The following SLC34A2 variants were observed in gnomAD, a reference collection of about 807,000 sequenced individuals.
The protein encoded by SLC34A2 is sodium-dependent phosphate transport protein 2B.
A neutral mutation model predicts 50.8 loss-of-function variants in SLC34A2; 41 were observed. The ratio of observed to expected loss-of-function variants is 0.81; its 90% CI spans 0.63 to 1.05. SLC34A2 has a LOEUF of 1.05. SLC34A2 is among the 50% of genes least tolerant of loss of function. The pLI is 0.00. For missense variants in SLC34A2, 879 were observed against 876.7 expected (o/e 1.00, Z -0.03); for synonymous variants, 401 against 364.2 (o/e 1.10, Z -1.15).
In SLC34A2 at chr4:25,671,724, G is replaced by T; in HGVS notation, c.1048+3G>T. On this transcript the variant is annotated splice_donor_region_variant and intron_variant, in intron 9 of 12. Coordinates refer to ENST00000382051, the MANE Select transcript of SLC34A2 (RefSeq NM_006424.3). ...CTACAAGGAGAACATCGCCAAATGT[G>T]AGTGGAGCTCAGTGGATTGGCCACT... is the stretch of plus-strand genomic sequence containing the variant. 6.2e-7 allele frequency: 1 copy of T among 1,614,216 alleles called. No homozygotes were observed. The highest frequency in any genetic ancestry group is 8.5e-7 in the Non-Finnish European group (1 of 1,180,042).
In SLC34A2 at chr4:25,676,492, G is replaced by A. The variant is rs369547850; in HGVS notation, c.1816G>A (p.Val606Ile). ...GCGCTCGCTGAAGCCCTGGGATGCC[G>A]TCGTCTCCAAGTTCACCGGCTGCTT... is the stretch of plus-strand genomic sequence containing the variant. The part of the protein sequence containing the change: ...WMRSLKPWDA[V>I]VSKFTGCFQM... Residue 606 changes from valine to isoleucine, a missense_variant, in exon 13 of 13, where the codon GTC becomes ATC. Physicochemically the swap from Val to Ile is conservative, Grantham distance 29. Coordinates refer to ENST00000382051, the MANE Select transcript of SLC34A2 (RefSeq NM_006424.3). 24 of 1,614,002 alleles carry A rather than the reference G, an allele frequency of 1.5e-5. No homozygotes were observed. Among genetic ancestry groups the A allele is most frequent in the Admixed American group, 3.3e-5 (2 of 60,002 alleles).
At chr4:25,668,652 A>AAAT (rs1714639670) in intron 6 of SLC34A2, among the ~76,000 whole-genome samples, 1 of 151,586 alleles carries the variant, frequency 6.6e-6, no homozygotes, top group African/African-American at 2.4e-5. Context: ...AAAAAAAAAA[A>AAAT]AAAAATAAAT....
At chr4:25,668,891 T>C (rs578118096) in intron 6 of SLC34A2, among the ~76,000 whole-genome samples, 45 of 106,526 alleles carry the variant, frequency 4.2e-4, no homozygotes, top group African/African-American at 2.0e-3. Context: ...TTCTAGCTAG[T>C]TTTTTTTTTT....
intron 8 of SLC34A2, among the ~76,000 whole-genome samples, chr4:25,671,067 A>G (rs1415975461): frequency 6.6e-6 from 1 of 152,140 alleles, no homozygotes; most frequent in Non-Finnish European, 1.5e-5. Flanking sequence ...CCAGGGATAC[A>G]TTATTTCTGG....
chr4:25,660,495 A>G (rs1553853682), intron 1 of SLC34A2, among the ~76,000 whole-genome samples: 1 of 152,166 alleles, frequency 6.6e-6, no homozygotes, highest in Non-Finnish European at 1.5e-5. Flanking sequence ...ATGAACTTAA[A>G]TTCTTTTTGC....
intron 1 of SLC34A2, 134 bp from the exon 2 acceptor site, chr4:25,662,364 C>A (rs188110237): frequency 5.4e-6 from 4 of 735,424 alleles, no homozygotes; most frequent in Non-Finnish European, 9.4e-6. Flanking sequence ...GAAATCTTTC[C>A]CTTCCTTTTA....
intron 4 of SLC34A2, 91 bp downstream of exon 4, chr4:25,664,421 G>A (rs2109050371): frequency 7.1e-7 from 1 of 1,412,670 alleles, no homozygotes; most frequent in Admixed American, 1.7e-5. Context: ...CTCTCCAGCT[G>A]CAGCCTCCTG....
rs772114004 is a variant in SLC34A2, at chr4:25,676,536, CTGCTGCCGCGTG to C, written c.1871_1882del (p.Val624_Arg627del). ...GCTGCTTCCAGATGCGCTGCTGCTG[CTGCTGCCGCGTG>C]TGCTGCCGCGCGTGCTGCTTGCTGT... On this transcript the variant is annotated inframe_deletion, in exon 13 of 13. Coordinates refer to ENST00000382051, the MANE Select transcript of SLC34A2 (RefSeq NM_006424.3). 11 of 1,613,784 alleles carry C rather than the reference CTGCTGCCGCGTG, an allele frequency of 6.8e-6. No homozygotes were observed. The East Asian group carries it at 8.9e-5, about 13-fold the overall frequency.
Position 25,667,961 on chromosome 4 carries a change from T to C in SLC34A2, c.605T>C (p.Met202Thr). 2.5e-6 allele frequency: 4 copies of C among 1,613,578 alleles called. No individual in the cohort carries two copies. The highest frequency in any genetic ancestry group is 3.4e-6 in the Non-Finnish European group (4 of 1,179,512). Residue 202 changes from methionine to threonine, a missense_variant, in exon 6 of 13, where the codon ATG becomes ACG. Met to Thr is a moderately conservative substitution (Grantham distance 81). Coordinates refer to ENST00000382051, the MANE Select transcript of SLC34A2 (RefSeq NM_006424.3). The part of the protein sequence containing the change: ...TSITNTIVAL[M>T]QVGDRSEFRR... ...ATCACCAACACTATTGTTGCGCTCATGCAGGTGGGAGATCGGAGTGAGTTC... is the reference window on the plus strand; with the variant it reads ...ATCACCAACACTATTGTTGCGCTCACGCAGGTGGGAGATCGGAGTGAGTTC...
In SLC34A2 at chr4:25,664,274, T is replaced by G; in HGVS notation, c.323T>G (p.Leu108Arg). 6.2e-7 allele frequency: 1 copy of G among 1,613,968 alleles called. No homozygotes were observed. Reference protein sequence around the residue: ...IGRLILLLGFLYFFVCSLDIL... With the variant: ...IGRLILLLGFRYFFVCSLDIL... ...AGATTGATTTTACTTCTCGGATTTC[T>G]CTACTTTTTCGTGTGCTCCCTGGAT... Residue 108 changes from leucine to arginine, a missense_variant, in exon 4 of 13, where the codon CTC becomes CGC. Coordinates refer to ENST00000382051, the MANE Select transcript of SLC34A2 (RefSeq NM_006424.3).
chr4:25,678,555 T>C lies in SLC34A2; in HGVS notation c.*1806T>C. 1 of 217,022 alleles carries C rather than the reference T, an allele frequency of 4.6e-6. No homozygotes were observed. Among genetic ancestry groups the C allele is most frequent in the Non-Finnish European group, 9.3e-6 (1 of 107,180 alleles). The allele number at this position is 217,022 out of a possible 1,614,324, so 13.4% of individuals were successfully genotyped here. On this transcript the variant is annotated 3_prime_UTR_variant, in exon 13 of 13. Transcript: ENST00000382051. ...AATCTTTGTACTTGCATTGATTGTATAATAATTTTGAGACCAGGTCTCGCT... is the reference window on the plus strand; with the variant it reads ...AATCTTTGTACTTGCATTGATTGTACAATAATTTTGAGACCAGGTCTCGCT...
Position 25,673,235 on chromosome 4 carries a change from C to T in SLC34A2, c.1197C>T (p.Ile399=), listed in dbSNP as rs1190268024. ...TCAAGGGGCAGGTCGCCACTGTCAT[C>T]AAGAAGACCATCAACACTGGTAGGT... ...SVLKGQVATV[I]KKTINTDFPF... Residue 399 remains isoleucine, a synonymous_variant, in exon 10 of 13, where the codon ATC becomes ATT. Transcript: ENST00000382051. The T allele has an allele frequency of 4.3e-6, 7 of 1,613,750 alleles. No individual in the cohort carries two copies. The highest frequency in any genetic ancestry group is 5.9e-6 in the Non-Finnish European group (7 of 1,180,026).
chr4:25,657,034 C>T (rs1672201252), intron 1 of SLC34A2, among the ~76,000 whole-genome samples: 1 of 152,166 alleles, frequency 6.6e-6, no homozygotes, highest in Non-Finnish European at 1.5e-5. Context: ...TTGTCCCATG[C>T]CCGCTGATCA....
chr4:25,676,880 C>G lies in SLC34A2; in HGVS notation c.*131C>G. On this transcript the variant is annotated 3_prime_UTR_variant, in exon 13 of 13. Transcript: ENST00000382051. Reference sequence around the variant, plus strand: ...CATTAGCGAATGAAATTGATGCAGTCCTACCTAACTCGATTCCCTTTGGCT... The same window carrying G: ...CATTAGCGAATGAAATTGATGCAGTGCTACCTAACTCGATTCCCTTTGGCT... The G allele has an allele frequency of 7.7e-7, 1 of 1,304,606 alleles. No homozygotes were observed. The highest frequency in any genetic ancestry group is 1.1e-6 in the Non-Finnish European group (1 of 937,230). 80.8% of individuals were successfully genotyped at this position (1,304,606 alleles called of 1,614,324 possible).
chr4:25,674,349 G>A lies in SLC34A2; in HGVS notation c.1270G>A (p.Ala424Thr), dbSNP rs1714989572. ...TGGCTACCTGGCCATCCTCGTCGGG[G>A]CAGGCATGACCTTCATCGTACAGAG... Reference protein sequence around the residue: ...LTGYLAILVGAGMTFIVQSSS... With the variant: ...LTGYLAILVGTGMTFIVQSSS... Residue 424 changes from alanine to threonine, a missense_variant, in exon 11 of 13, where the codon GCA becomes ACA. Ala to Thr is a moderately conservative substitution (Grantham distance 58). Transcript: ENST00000382051. 6.2e-7 allele frequency: 1 copy of A among 1,614,142 alleles called. No individual in the cohort carries two copies. The highest frequency in any genetic ancestry group is 1.3e-5 in the African/African-American group (1 of 75,006).
At position 25,667,991 on chromosome 4, in the gene SLC34A2, G is replaced by A. The variant is rs1714594022; in HGVS notation, c.635G>A (p.Arg212Lys). Residue 212 changes from arginine to lysine, a missense_variant and splice_region_variant, in exon 6 of 13, where the codon AGA becomes AAA. Physicochemically the swap from Arg to Lys is conservative, Grantham distance 26. Transcript: ENST00000382051. Reference protein sequence around the residue: ...MQVGDRSEFRRAFAGATVHDF... With the variant: ...MQVGDRSEFRKAFAGATVHDF... ...GTGGGAGATCGGAGTGAGTTCAGAA[G>A]GTAAGAGGCTCAAAACCAGCCTTTG... 1 of 1,598,732 alleles carries A rather than the reference G, an allele frequency of 6.3e-7. No homozygotes were observed. Among genetic ancestry groups the A allele is most frequent in the Non-Finnish European group, 8.6e-7 (1 of 1,166,164 alleles).
Position 25,672,686 on chromosome 4 carries a change from A to G in SLC34A2, c.1049-401A>G, listed in dbSNP as rs532807531. The stretch of plus-strand genomic sequence containing the variant: ...ATGTTTTGCTGGGATTATCTGGGGG[A>G]TGCAGAAGGGGCTTTATAATTAGCA... On this transcript the variant is annotated intron_variant, in intron 9 of 12. Coordinates refer to ENST00000382051, the MANE Select transcript of SLC34A2 (RefSeq NM_006424.3). Among the ~76,000 whole-genome samples, 5 of 152,118 alleles carry G rather than the reference A, an allele frequency of 3.3e-5. No homozygotes were observed. In the East Asian group the frequency reaches 9.7e-4, roughly 29 times the overall value.
rs755271436 is a variant in SLC34A2, at chr4:25,676,620, G to C, written c.1944G>C (p.Leu648Phe). The C allele has an allele frequency of 6.2e-7, 1 of 1,614,022 alleles. No homozygotes were observed. Among genetic ancestry groups the C allele is most frequent in the Non-Finnish European group, 8.5e-7 (1 of 1,179,888 alleles). The stretch of plus-strand genomic sequence containing the variant: ...GCTGCAGCAAGTGCTGCGAGGACTT[G>C]GAGGAGGCGCAGGAGGGGCAGGATG... ...CCRCSKCCED[L>F]EEAQEGQDVP... Residue 648 changes from leucine to phenylalanine, a missense_variant, in exon 13 of 13, where the codon TTG (leucine) becomes TTC (phenylalanine). By Grantham distance (22) the Leu-to-Phe change is conservative (BLOSUM62 0). Transcript: ENST00000382051.
rs150747522 is a variant in SLC34A2, at chr4:25,674,323, C to G, written c.1244C>G (p.Thr415Ser). ...TTCCCCTTTCCCTTTGCATGGTTGA[C>G]TGGCTACCTGGCCATCCTCGTCGGG... ...TDFPFPFAWL[T>S]GYLAILVGAG... Residue 415 changes from threonine (T) to serine (S), a missense_variant, in exon 11 of 13, where the codon ACT becomes AGT. Coordinates refer to ENST00000382051, the MANE Select transcript of SLC34A2 (RefSeq NM_006424.3). 3.2e-5 allele frequency: 51 copies of G among 1,614,164 alleles called. No homozygotes were observed. In the African/African-American group the frequency reaches 5.5e-4, roughly 17 times the overall value.
Sources: allele counts gnomAD v4.1 joint callset (sites outside exome capture counted in the v4.1 genomes callset), GRCh38; gene constraint gnomAD v4.1.1; transcripts MANE v1.5; gene names NCBI Gene and HGNC (gene_info 2026-07-23, HGNC 2026-07-21).